The following HES4 variants were observed in gnomAD, a reference collection of about 807,000 sequenced individuals.
HES4 encodes hes family bHLH transcription factor 4.
Under a neutral mutation model 10.7 loss-of-function variants are expected in HES4, and 17 were observed. The observed-to-expected ratio is 1.59, with a 90% CI of 1.09 to 2.38. The LOEUF is 2.38. Among genes scored for constraint, HES4 ranks in the 30% most tolerant of loss-of-function variants. The pLI, the probability that HES4 is intolerant of heterozygous loss-of-function variation, is 0.00. For synonymous variants in HES4, 189 were observed against 159.7 expected, an observed-to-expected ratio of 1.18 and a Z score of -1.38; for missense variants, 389 against 332.1, an observed-to-expected ratio of 1.17 and a Z score of -1.33.
In HES4 at chr1:999,068, C is replaced by T; in HGVS notation, c.657G>A (p.Trp219Ter). Residue 219 changes from tryptophan to a stop codon, truncating the protein, a stop_gained, in exon 4 of 4, where the codon TGG becomes TGA. Transcript: ENST00000304952. LOFTEE classifies it high-confidence loss of function. ...TCTCAGGGCCACAGCCTCAGCGCAG[C>T]CACGGCCTCCAGGGCCCACCCGGGC... ...PQGPGGPWRP[W>*]LR is the part of the protein sequence containing the mutation. 8.0e-7 allele frequency: 1 copy of T among 1,256,840 alleles called. No individual in the cohort carries two copies. Among genetic ancestry groups the T allele is most frequent in the Non-Finnish European group, 1.0e-6 (1 of 999,808 alleles). The allele number at this position is 1,256,840 out of a possible 1,614,324, so 77.9% of individuals were successfully genotyped here.
At position 999,150 on chromosome 1, in the gene HES4, G is replaced by A. The variant is rs1643981966; in HGVS notation, c.575C>T (p.Pro192Leu). 2 of 1,230,884 alleles carry A rather than the reference G, an allele frequency of 1.6e-6. No individual in the cohort carries two copies. The highest frequency in any genetic ancestry group is 2.0e-6 in the Non-Finnish European group (2 of 989,138). The allele number at this position is 1,230,884 out of a possible 1,614,324, so 76.2% of individuals were successfully genotyped here. The change falls in exon 4 of 4, where the codon CCG becomes CTG. Residue 192 changes from proline (P) to leucine (L), a missense_variant. Physicochemically the swap from Pro to Leu is moderately conservative, Grantham distance 98. Transcript: ENST00000304952. The stretch of plus-strand genomic sequence containing the variant: ...CGCCCGGGTCAGACCCGGCAGCAGC[G>A]GCGGCGCGAGCAGAGGGAAGGGGCC... ...LGGPFPLLAP[P>L]LLPGLTRALP...
chr1:999,831 C>G, intron 1 of HES4, 35 bp downstream of exon 1: 2 of 1,600,018 alleles, frequency 1.2e-6, no homozygotes, highest in Admixed American at 3.4e-5. Flanking sequence ...CTCCCGCCCC[C>G]CGGTCGCCCC....
At position 999,233 on chromosome 1, in the gene HES4, G is replaced by A. The variant is rs1643984421; in HGVS notation, c.492C>T (p.Pro164=). The change falls in exon 4 of 4, where the codon CCC becomes CCT. Residue 164 remains proline (P), a synonymous_variant. Transcript: ENST00000304952. Reference sequence around the variant, plus strand: ...AGACCTCGGGCGCTGGGGCCTCTGCGGGGGCAGCCGGGGACAGCGAGGCCG... The same window carrying A: ...AGACCTCGGGCGCTGGGGCCTCTGCAGGGGCAGCCGGGGACAGCGAGGCCG... ...RRPASLSPAA[P]AEAPAPEVYA... is the part of the protein sequence containing the mutation. 2 of 1,339,104 alleles carry A rather than the reference G, an allele frequency of 1.5e-6. No homozygotes were observed. The highest frequency in any genetic ancestry group is 1.9e-6 in the Non-Finnish European group (2 of 1,051,910). 83.0% of individuals were successfully genotyped at this position (1,339,104 alleles called of 1,614,324 possible). A position where few individuals can be genotyped will look rare whatever the true frequency, so the allele number is the denominator to read the frequency against.
In HES4 at chr1:999,122, C is replaced by T; in HGVS notation, c.603G>A (p.Leu201=). 1 of 1,214,960 alleles carries T rather than the reference C, an allele frequency of 8.2e-7. No homozygotes were observed. The highest frequency in any genetic ancestry group is 1.0e-6 in the Non-Finnish European group (1 of 977,458). 75.3% of individuals were successfully genotyped at this position (1,214,960 alleles called of 1,614,324 possible). The change falls in exon 4 of 4, where the codon CTG becomes CTA. Residue 201 remains leucine, a synonymous_variant. Transcript: ENST00000304952. The stretch of plus-strand genomic sequence containing the variant: ...GCGGCCCCGCCCTGGGGGCGGCGGG[C>T]AGCGCCCGGGTCAGACCCGGCAGCA... ...PPLLPGLTRA[L]PAAPRAGPQG...
At chr1:999,474 G>C (rs1210003728) in intron 3 of HES4, 42 bp from the exon 4 acceptor site, 2 of 1,557,004 alleles carry the variant, frequency 1.3e-6, no homozygotes, top group Non-Finnish European at 1.7e-6. Context: ...GCCGGGTCCC[G>C]GGGGTCCCGC....
Position 999,413 on chromosome 1 carries a change from G to T in HES4, c.312C>A (p.Pro104=), listed in dbSNP as rs759470706. The change falls in exon 4 of 4, where the codon CCC becomes CCA. Residue 104 remains proline, a synonymous_variant. Transcript: ENST00000304952. ...VQVTAALSAD[P]AVLGKYRAGF... The stretch of plus-strand genomic sequence containing the variant: ...CGGCGCGGTACTTGCCCAGAACGGC[G>T]GGGTCGGCGCTGAGCGCGGCTGCGG... 1.3e-6 allele frequency: 2 copies of T among 1,499,952 alleles called. No homozygotes were observed. The highest frequency in any genetic ancestry group is 4.6e-5 in the Admixed American group (2 of 43,122). 92.9% of individuals were successfully genotyped at this position (1,499,952 alleles called of 1,614,324 possible).
Position 999,014 on chromosome 1 carries a change from C to T in HES4, c.*45G>A. On this transcript the variant is annotated 3_prime_UTR_variant, in exon 4 of 4. Coordinates refer to ENST00000304952, the MANE Select transcript of HES4 (RefSeq NM_021170.4). ...CTACAGTCTCGGCAAAGGCCACGGC[C>T]CTAGAACGGGGCGCCGCCTCCGATG... 2 of 1,258,394 alleles carry T rather than the reference C, an allele frequency of 1.6e-6. No individual in the cohort carries two copies. The highest frequency in any genetic ancestry group is 1.0e-6 in the Non-Finnish European group (1 of 996,992). 78.0% of individuals were successfully genotyped at this position (1,258,394 alleles called of 1,614,324 possible).
At position 999,394 on chromosome 1, in the gene HES4, G is replaced by C; in HGVS notation, c.331C>G (p.Arg111Gly). 2.0e-6 allele frequency: 3 copies of C among 1,509,154 alleles called. No individual in the cohort carries two copies. The highest frequency in any genetic ancestry group is 1.3e-5 in the South Asian group (1 of 79,400). 93.5% of individuals were successfully genotyped at this position (1,509,154 alleles called of 1,614,324 possible). A position where few individuals can be genotyped will look rare whatever the true frequency, so the allele number is the denominator to read the frequency against. ...GCCAGACACTCGTGGAAGCCGGCGC[G>C]GTACTTGCCCAGAACGGCGGGGTCG... ...SADPAVLGKYRAGFHECLAEV... is the reference protein window; with the variant it reads ...SADPAVLGKYGAGFHECLAEV... Residue 111 changes from arginine (R) to glycine (G), a missense_variant, in exon 4 of 4, where the codon CGC becomes GGC. Transcript: ENST00000304952.
rs771948328 is a variant in HES4 at position 999,611 on chromosome 1, G to A, written c.207C>T (p.Ser69=). 3.7e-6 allele frequency: 6 copies of A among 1,606,366 alleles called. No individual in the cohort carries two copies. The highest frequency in any genetic ancestry group is 2.7e-5 in the African/African-American group (2 of 74,214). Residue 69 remains serine, a splice_region_variant and synonymous_variant, in exon 3 of 4, where the codon AGC becomes AGT. Transcript: ENST00000304952. ...TLILDALRKE[S]SRHSKLEKAD... ...CCTTCTCCAGCTTCGAGTGGCGGGA[G>A]CTCTGGGGGCGGGGATAGGCGGGAG...
At chr1:999,494 C>A (rs1473628783) in intron 3 of HES4, 32 bp downstream of exon 3, 2 of 1,565,210 alleles carry the variant, frequency 1.3e-6, no homozygotes, top group Non-Finnish European at 8.6e-7. Flanking sequence ...CGCCCTCCCC[C>A]CGCCTCCAAG....
Position 998,999 on chromosome 1 carries a change from G to T in HES4, c.*60C>A. ...AATACGTTTTCTCTGCTACAGTCTC[G>T]GCAAAGGCCACGGCCCTAGAACGGG... On this transcript the variant is annotated 3_prime_UTR_variant, in exon 4 of 4. Coordinates refer to ENST00000304952, the MANE Select transcript of HES4 (RefSeq NM_021170.4). The T allele has an allele frequency of 8.1e-7, 1 of 1,239,018 alleles. No individual in the cohort carries two copies. Among genetic ancestry groups the T allele is most frequent in the Non-Finnish European group, 1.0e-6 (1 of 980,856 alleles). 76.8% of individuals were successfully genotyped at this position (1,239,018 alleles called of 1,614,324 possible). A position where few individuals can be genotyped will look rare whatever the true frequency, so the allele number is the denominator to read the frequency against.
At position 999,328 on chromosome 1, in the gene HES4, C is replaced by T. The variant is rs762096716; in HGVS notation, c.397G>A (p.Ala133Thr). ...RFLAGCEGVP[A>T]DVRSRLLGHL... is the part of the protein sequence containing the mutation. ...CCCAGCAGGCGGGAGCGCACGTCGG[C>T]CGGGACGCCCTCGCAGCCGGCCAGG... Residue 133 changes from alanine to threonine, a missense_variant, in exon 4 of 4, where the codon GCC becomes ACC. By Grantham distance (58) the Ala-to-Thr change is moderately conservative. Transcript: ENST00000304952. 41 of 1,480,640 alleles carry T rather than the reference C, an allele frequency of 2.8e-5. No homozygotes were observed. In the African/African-American group the frequency reaches 5.5e-4, roughly 20 times the overall value. The allele number at this position is 1,480,640 out of a possible 1,614,324, so 91.7% of individuals were successfully genotyped here. A position where few individuals can be genotyped will look rare whatever the true frequency, so the allele number is the denominator to read the frequency against.
chr1:999,631 C>T lies in HES4; in HGVS notation c.205-18G>A. 1 of 1,607,354 alleles carries T rather than the reference C, an allele frequency of 6.2e-7. No homozygotes were observed. The highest frequency in any genetic ancestry group is 2.3e-5 in the East Asian group (1 of 44,262). ...CGGGAGCTCTGGGGGCGGGGATAGGCGGGAGGTCCAGGTCAGCTGCGACCC... is the reference window on the plus strand; with the variant it reads ...CGGGAGCTCTGGGGGCGGGGATAGGTGGGAGGTCCAGGTCAGCTGCGACCC... On this transcript the variant is annotated intron_variant, in intron 2 of 3. Transcript: ENST00000304952.
chr1:998,969 T>TAATA lies in HES4; in HGVS notation c.*86_*89dup. Reference sequence around the variant, plus strand: ...AAAACTCGTGACGCAGACTCTGGAATAATAAATACGTTTTCTCTGCTACAG... The same window carrying TAATA: ...AAAACTCGTGACGCAGACTCTGGAATAATAAATAAATACGTTTTCTCTGCTACAG... On this transcript the variant is annotated 3_prime_UTR_variant, in exon 4 of 4. Transcript: ENST00000304952. 1 of 1,130,278 alleles carries TAATA rather than the reference T, an allele frequency of 8.8e-7. No individual in the cohort carries two copies. The highest frequency in any genetic ancestry group is 1.1e-6 in the Non-Finnish European group (1 of 886,568). 70.0% of individuals were successfully genotyped at this position (1,130,278 alleles called of 1,614,324 possible).
chr1:1,000,082 C>T lies in HES4; in HGVS notation c.-109G>A, dbSNP rs895084304. ...GCGATCCGAGCCCCTAGGGCGGATCCCGGCTCCAGGCCCGCGCGCGCCTCA... is the reference window on the plus strand; with the variant it reads ...GCGATCCGAGCCCCTAGGGCGGATCTCGGCTCCAGGCCCGCGCGCGCCTCA... On this transcript the variant is annotated 5_prime_UTR_variant, in exon 1 of 4. Coordinates refer to ENST00000304952, the MANE Select transcript of HES4 (RefSeq NM_021170.4). The T allele has an allele frequency of 2.1e-6, 2 of 935,480 alleles. No individual in the cohort carries two copies. Among genetic ancestry groups the T allele is most frequent in the African/African-American group, 1.7e-5 (1 of 57,664 alleles). 57.9% of individuals were successfully genotyped at this position (935,480 alleles called of 1,614,324 possible).
Position 999,276 on chromosome 1 carries a change from A to C in HES4, c.449T>G (p.Leu150Arg), listed in dbSNP as rs1249555272. ...CGAGGCCGGGCGGCGGGAGGGTCCC[A>C]GCTGGCGCAGGCAGGCTGCCAGGTG... is the stretch of plus-strand genomic sequence containing the variant. ...LGHLAACLRQLGPSRRPASLS... is the reference protein window; with the variant it reads ...LGHLAACLRQRGPSRRPASLS... Residue 150 changes from leucine to arginine, a missense_variant, in exon 4 of 4, where the codon CTG becomes CGG. Coordinates refer to ENST00000304952, the MANE Select transcript of HES4 (RefSeq NM_021170.4). 12 of 1,452,196 alleles carry C rather than the reference A, an allele frequency of 8.3e-6. No individual in the cohort carries two copies. The highest frequency in any genetic ancestry group is 1.1e-5 in the Non-Finnish European group (12 of 1,107,170). The allele number at this position is 1,452,196 out of a possible 1,614,324, so 90.0% of individuals were successfully genotyped here.
Position 999,089 on chromosome 1 carries a change from CG to C in HES4, c.635del (p.Pro212ArgfsTer34), listed in dbSNP as rs1643980458. On this transcript the variant is annotated frameshift_variant, in exon 4 of 4. Coordinates refer to ENST00000304952, the MANE Select transcript of HES4 (RefSeq NM_021170.4). LOFTEE classifies it high-confidence loss of function. ...PAAPRAGPQG[P>X]GGPWRPWLR ...GCAGCCACGGCCTCCAGGGCCCACCCGGGCCCTGCGGCCCCGCCCTGGGGGC... is the reference window on the plus strand; with the variant it reads ...GCAGCCACGGCCTCCAGGGCCCACCCGGCCCTGCGGCCCCGCCCTGGGGGC... 1 of 1,228,766 alleles carries C rather than the reference CG, an allele frequency of 8.1e-7. No individual in the cohort carries two copies. Among genetic ancestry groups the C allele is most frequent in the Non-Finnish European group, 1.0e-6 (1 of 985,568 alleles). 76.1% of individuals were successfully genotyped at this position (1,228,766 alleles called of 1,614,324 possible). A position where few individuals can be genotyped will look rare whatever the true frequency, so the allele number is the denominator to read the frequency against.
Position 999,274 on chromosome 1 carries a change from C to G in HES4, c.451G>C (p.Gly151Arg), listed in dbSNP as rs770335130. 8.3e-6 allele frequency: 12 copies of G among 1,448,162 alleles called. No homozygotes were observed. In the East Asian group the frequency reaches 3.3e-4, roughly 40 times the overall value. The allele number at this position is 1,448,162 out of a possible 1,614,324, so 89.7% of individuals were successfully genotyped here. A position where few individuals can be genotyped will look rare whatever the true frequency, so the allele number is the denominator to read the frequency against. Residue 151 changes from glycine (G) to arginine (R), a missense_variant, in exon 4 of 4, where the codon GGA becomes CGA. Coordinates refer to ENST00000304952, the MANE Select transcript of HES4 (RefSeq NM_021170.4). ...GHLAACLRQL[G>R]PSRRPASLSP... ...AGCGAGGCCGGGCGGCGGGAGGGTCCCAGCTGGCGCAGGCAGGCTGCCAGG... is the reference window on the plus strand; with the variant it reads ...AGCGAGGCCGGGCGGCGGGAGGGTCGCAGCTGGCGCAGGCAGGCTGCCAGG...
chr1:999,461 G>A (rs1643990724), intron 3 of HES4, 29 bp from the exon 4 acceptor site: 5 of 1,553,428 alleles, frequency 3.2e-6, no homozygotes, highest in South Asian at 2.3e-5. Flanking sequence ...AGGAGAGGTC[G>A]GTGCCGGGTC....
Sources: gnomAD v4.1 joint callset for allele counts on GRCh38, gnomAD v4.1.1 for gene constraint, MANE v1.5 for transcripts, NCBI Gene and HGNC (gene_info 2026-07-23, HGNC 2026-07-21) for gene names.